ZNF845: variants seen among roughly 807,000 people sequenced by gnomAD.
ZNF845 encodes zinc finger protein 845.
ZNF845 carries 59 observed loss-of-function variants against 76.1 expected under a neutral mutation model. That is an observed-to-expected ratio of 0.78 (90% CI 0.63 to 0.96). The LOEUF is 0.96. ZNF845 is among the 40% of genes least tolerant of loss of function. ZNF845 has a pLI of 0.00. For missense variants in ZNF845, 1,045 were observed against 1,172.8 expected (o/e 0.89, Z 1.59); for synonymous variants, 361 against 386.9 (o/e 0.93, Z 0.78).
Position 53,355,441 on chromosome 19 carries a change from C to T in ZNF845, c.*1853C>T, listed in dbSNP as rs12609466. On this transcript the variant is annotated 3_prime_UTR_variant, in exon 4 of 4. Transcript: ENST00000458035. ...TTTATTTTTTTTATTTTAGTAAAGA[C>T]GGGGTTTCACCATGTTGGCCCAGAT... 0.29 allele frequency: 43,544 copies of T among 151,412 alleles called. 7,729 individuals carry two copies. The highest frequency in any genetic ancestry group is 0.41 in the Non-Finnish European group (27,571 of 67,818). The allele number at this position is 151,412 out of a possible 1,614,324, so 9.4% of individuals were successfully genotyped here.
At chr19:53,345,748 T>G (rs1599978908) in intron 3 of ZNF845, 116 bp downstream of exon 3, 12 of 1,539,440 alleles carry the variant, frequency 7.8e-6, no homozygotes, top group South Asian at 1.3e-5. Context: ...AATGGTGTGA[T>G]CATGTCTTAC....
intron 3 of ZNF845, among the ~76,000 whole-genome samples, chr19:53,347,411 G>A (rs1057235225): frequency 6.6e-6 from 1 of 151,198 alleles, no homozygotes; most frequent in Non-Finnish European, 1.5e-5. Flanking sequence ...CAAGCAGCTG[G>A]GACTACAGGC....
chr19:53,344,418 AT>A (rs1223755655), intron 2 of ZNF845, among the ~76,000 whole-genome samples: 1 of 151,984 alleles, frequency 6.6e-6, no homozygotes, highest in African/African-American at 2.4e-5. Flanking sequence ...CATGCCAGGA[AT>A]CCCAGCTCCT....
intron 1 of ZNF845, among the ~76,000 whole-genome samples, chr19:53,339,620 C>T (rs1460625038): frequency 6.6e-6 from 1 of 152,166 alleles, no homozygotes; most frequent in South Asian, 2.1e-4. Context: ...AAGTCTTAGA[C>T]CCCAGGAATT....
intron 2 of ZNF845, among the ~76,000 whole-genome samples, chr19:53,342,309 C>T (rs2085262291): frequency 6.6e-6 from 1 of 151,944 alleles, no homozygotes; most frequent in Admixed American, 6.6e-5. Context: ...TAGTGACGGG[C>T]TATCACCATG....
In ZNF845 at chr19:53,337,670, G is replaced by GTGA. The variant is rs571416131; in HGVS notation, c.-73-3563_-73-3561dup. ...TGCAACCTCCTCCTCCCGGGTTAAA[G>GTGA]TGATTCTCCTGCCTCAGCCTCCTGA... On this transcript the variant is annotated intron_variant, in intron 1 of 3. Transcript: ENST00000458035. Among the ~76,000 whole-genome samples the GTGA allele has an allele frequency of 8.7e-3, 1,329 of 152,268 alleles. 13 individuals are homozygous for GTGA. The highest frequency in any genetic ancestry group is 0.015 in the Non-Finnish European group (999 of 68,020).
intron 3 of ZNF845, among the ~76,000 whole-genome samples, chr19:53,347,326 G>T (rs911688529): frequency 1.3e-5 from 2 of 150,414 alleles, no homozygotes; most frequent in African/African-American, 4.9e-5. Context: ...GCCCAGGCTG[G>T]AGTGCAGTGG....
rs559406239 is a variant in ZNF845, at chr19:53,338,474, G to A, written c.-73-2761G>A. Among the ~76,000 whole-genome samples the A allele has an allele frequency of 1.1e-4, 17 of 152,222 alleles. No individual in the cohort carries two copies. In the East Asian group the frequency reaches 2.3e-3, roughly 21 times the overall value. On this transcript the variant is annotated intron_variant, in intron 1 of 3. Coordinates refer to ENST00000458035, the MANE Select transcript of ZNF845 (RefSeq NM_138374.3). ...AGGGTCCTGGATTCCCTTCAGGAAG[G>A]GTGGGGAGAAGGTCAGGGACCTGAG...
rs7248544 is a variant in ZNF845, at chr19:53,356,756, C to T, written c.*3168C>T. 0.62 allele frequency: 93,796 copies of T among 151,308 alleles called. 30,862 individuals carry two copies. The highest frequency in any genetic ancestry group is 0.85 in the African/African-American group (34,982 of 41,274). The allele number at this position is 151,308 out of a possible 1,614,324, so 9.4% of individuals were successfully genotyped here. A position where few individuals can be genotyped will look rare whatever the true frequency, so the allele number is the denominator to read the frequency against. ...CATCCTGGCTAACACGGTGAAACCC[C>T]GTCTCTACTAAAAATACAAAAAATT... On this transcript the variant is annotated 3_prime_UTR_variant, in exon 4 of 4. Transcript: ENST00000458035.
At chr19:53,343,333 G>A (rs1468691723) in intron 2 of ZNF845, among the ~76,000 whole-genome samples, 1 of 152,200 alleles carries the variant, frequency 6.6e-6, no homozygotes, top group African/African-American at 2.4e-5. Context: ...TGACCTGTGT[G>A]TTCTTTGCAA....
At position 53,353,533 on chromosome 19, in the gene ZNF845, A is replaced by G. The variant is rs771926367; in HGVS notation, c.2858A>G (p.Asn953Ser). The G allele has an allele frequency of 2.5e-6, 4 of 1,611,620 alleles. No individual in the cohort carries two copies. In the Admixed American group the frequency reaches 6.7e-5, roughly 27 times the overall value. Residue 953 changes from asparagine to serine, a missense_variant, in exon 4 of 4, where the codon AAT (asparagine) becomes AGT (serine). Asn to Ser is a conservative substitution (Grantham distance 46). Coordinates refer to ENST00000458035, the MANE Select transcript of ZNF845 (RefSeq NM_138374.3). ...TGTAATGAATGTGGCAAGGTTTTTA[A>G]TCGAAAAGCAAAACTTGCACGTCAT... is the stretch of plus-strand genomic sequence containing the variant. ...YKCNECGKVFNRKAKLARHHR... is the reference protein window; with the variant it reads ...YKCNECGKVFSRKAKLARHHR...
chr19:53,351,262 T>A lies in ZNF845; in HGVS notation c.587T>A (p.Phe196Tyr). ...ATTTCTAAGAACTATGGGAATAATT[T>A]CCTGAATTCTTCATTACTCACACAA... ...THISKNYGNN[F>Y]LNSSLLTQKQ... is the part of the protein sequence containing the mutation. Residue 196 changes from phenylalanine to tyrosine, a missense_variant, in exon 4 of 4, where the codon TTC becomes TAC. Phe to Tyr is a conservative substitution (Grantham distance 22). Coordinates refer to ENST00000458035, the MANE Select transcript of ZNF845 (RefSeq NM_138374.3). 6.2e-7 allele frequency: 1 copy of A among 1,614,226 alleles called. No individual in the cohort carries two copies. The highest frequency in any genetic ancestry group is 8.5e-7 in the Non-Finnish European group (1 of 1,180,036).
intron 1 of ZNF845, among the ~76,000 whole-genome samples, chr19:53,335,675 C>T (rs994337680): frequency 2.6e-5 from 4 of 152,052 alleles, no homozygotes; most frequent in Non-Finnish European, 2.9e-5. Flanking sequence ...AATCTCGGCT[C>T]GCTGCAATTT....
At chr19:53,340,512 C>G (rs539024082) in intron 1 of ZNF845, among the ~76,000 whole-genome samples, 1 of 152,170 alleles carries the variant, frequency 6.6e-6, no homozygotes, top group African/African-American at 2.4e-5. Context: ...TCCCGAACTT[C>G]CGTAAACGCA....
At chr19:53,341,355 T>G in intron 2 of ZNF845, 33 bp downstream of exon 2, 2 of 1,613,518 alleles carry the variant, frequency 1.2e-6, no homozygotes, top group Admixed American at 1.7e-5. Flanking sequence ...TTGTTCTGTC[T>G]CCTTCCTCTC....
Position 53,353,933 on chromosome 19 carries a change from T to A in ZNF845, c.*345T>A, listed in dbSNP as rs2085365474. ...TGAGAGATTTTGAAAGTGTAATAAATGTGGCAAATTTTTCAGACATTGTTC... is the reference window on the plus strand; with the variant it reads ...TGAGAGATTTTGAAAGTGTAATAAAAGTGGCAAATTTTTCAGACATTGTTC... On this transcript the variant is annotated 3_prime_UTR_variant, in exon 4 of 4. Coordinates refer to ENST00000458035, the MANE Select transcript of ZNF845 (RefSeq NM_138374.3). 1 of 803,082 alleles carries A rather than the reference T, an allele frequency of 1.2e-6. No individual in the cohort carries two copies. Among genetic ancestry groups the A allele is most frequent in the Admixed American group, 2.9e-5 (1 of 34,014 alleles). The allele number at this position is 803,082 out of a possible 1,614,324, so 49.7% of individuals were successfully genotyped here.
At position 53,351,455 on chromosome 19, in the gene ZNF845, T is replaced by A. The variant is rs750286058; in HGVS notation, c.780T>A (p.Cys260Ter). 3.7e-6 allele frequency: 6 copies of A among 1,614,194 alleles called. No individual in the cohort carries two copies. Among genetic ancestry groups the A allele is most frequent in the Non-Finnish European group, 5.1e-6 (6 of 1,180,026 alleles). Residue 260 changes from cysteine (C) to a stop codon, truncating the protein, a stop_gained, in exon 4 of 4, where the codon TGT becomes TGA. Coordinates refer to ENST00000458035, the MANE Select transcript of ZNF845 (RefSeq NM_138374.3). LOFTEE classifies it high-confidence loss of function. The part of the protein sequence containing the change: ...KVFNQKRYLA[C>*]HRRCHTGKKP... Reference sequence around the variant, plus strand: ...TTAATCAAAAGCGATATCTTGCATGTCATCGTAGATGTCACACTGGCAAGA... The same window carrying A: ...TTAATCAAAAGCGATATCTTGCATGACATCGTAGATGTCACACTGGCAAGA...
intron 1 of ZNF845, among the ~76,000 whole-genome samples, chr19:53,337,845 A>G (rs150906480): frequency 2.9e-3 from 435 of 152,204 alleles, no homozygotes; most frequent in African/African-American, 0.01. Flanking sequence ...GGGTACAGGT[A>G]TGAGCCACCG....
In ZNF845 at chr19:53,353,058, A is replaced by G; in HGVS notation, c.2383A>G (p.Arg795Gly). The G allele has an allele frequency of 6.2e-7, 1 of 1,613,990 alleles. No homozygotes were observed. The highest frequency in any genetic ancestry group is 8.5e-7 in the Non-Finnish European group (1 of 1,179,896). ...TGATTCACACCTGGCACAACATACT[A>G]GAATTCACACTGGAGAGAAACCTTA... ...GRDSHLAQHT[R>G]IHTGEKPYKC... Residue 795 changes from arginine to glycine, a missense_variant, in exon 4 of 4, where the codon AGA becomes GGA. Transcript: ENST00000458035.
Sources: gnomAD v4.1 joint callset for allele counts (sites outside exome capture counted in the v4.1 genomes callset) on GRCh38, gnomAD v4.1.1 for gene constraint, MANE v1.5 for transcripts, NCBI Gene and HGNC (gene_info 2026-07-23, HGNC 2026-07-21) for gene names.